SGCZ: variants seen among roughly 807,000 people sequenced by gnomAD.
The protein encoded by SGCZ is zeta-sarcoglycan.
In SGCZ, 40 loss-of-function variants were observed where a neutral mutation model predicts 41.3. That is an observed-to-expected ratio of 0.97 (90% CI 0.75 to 1.26). The LOEUF is 1.26. Ranked by LOEUF, SGCZ falls within the 50% of genes most tolerant of loss-of-function variation. SGCZ has a pLI of 0.00. For missense variants in SGCZ, 552 were observed against 369.8 expected (o/e 1.49, Z -4.04); for synonymous variants, 206 against 137.5 (o/e 1.50, Z -3.49).
At chr8:14,846,432 G>A (rs1205235564) in intron 1 of SGCZ, among the ~76,000 whole-genome samples, 1 of 151,786 alleles carries the variant, frequency 6.6e-6, no homozygotes, top group Non-Finnish European at 1.5e-5. Context: ...ATCCCAGCAA[G>A]ACTGATCAGG....
intron 3 of SGCZ, among the ~76,000 whole-genome samples, chr8:14,263,972 C>T (rs767882318): frequency 4.0e-4 from 61 of 152,216 alleles, no homozygotes; most frequent in Non-Finnish European, 1.8e-4. Flanking sequence ...ATCCCACAAC[C>T]TCTGGCTCCA....
chr8:14,161,890 C>G (rs1454708244), intron 5 of SGCZ, among the ~76,000 whole-genome samples: 1 of 152,026 alleles, frequency 6.6e-6, no homozygotes, highest in Non-Finnish European at 1.5e-5. Flanking sequence ...ACACATCACA[C>G]ACACATAGAC....
chr8:14,290,245 A>C (rs1332095196), intron 3 of SGCZ, among the ~76,000 whole-genome samples: 3 of 152,144 alleles, frequency 2.0e-5, no homozygotes, highest in Non-Finnish European at 4.4e-5. Flanking sequence ...CAAGAAGGAA[A>C]CATAGAGGGA....
intron 1 of SGCZ, among the ~76,000 whole-genome samples, chr8:15,007,488 C>A (rs1017215772): frequency 6.6e-6 from 1 of 152,224 alleles, no homozygotes; most frequent in African/African-American, 2.4e-5. Flanking sequence ...AAGCCACGGT[C>A]TATGAGCCAC....
At chr8:14,205,140 G>A (rs1347688757) in intron 4 of SGCZ, among the ~76,000 whole-genome samples, 5 of 150,132 alleles carry the variant, frequency 3.3e-5, no homozygotes, top group South Asian at 4.3e-4. Flanking sequence ...GCCTTTAATC[G>A]ACTACACACA....
At chr8:14,728,706 A>G (rs1810138469) in intron 1 of SGCZ, among the ~76,000 whole-genome samples, 1 of 152,188 alleles carries the variant, frequency 6.6e-6, no homozygotes, top group Non-Finnish European at 1.5e-5. Flanking sequence ...ATTAGATCAA[A>G]TTTAGCAATA....
chr8:15,191,825 A>G (rs1462034523), intron 1 of SGCZ, among the ~76,000 whole-genome samples: 1 of 152,090 alleles, frequency 6.6e-6, no homozygotes, highest in Admixed American at 6.5e-5. Flanking sequence ...ATTTAATTAT[A>G]CAAAATGACT....
At chr8:14,656,466 G>C (rs73200887) in intron 1 of SGCZ, among the ~76,000 whole-genome samples, 2 of 108,458 alleles carry the variant, frequency 1.8e-5, no homozygotes, top group Non-Finnish European at 1.8e-5. Flanking sequence ...TTTTCTTTTC[G>C]TTTTTTCTTC....
intron 4 of SGCZ, among the ~76,000 whole-genome samples, chr8:14,192,968 G>C (rs1417498650): frequency 6.6e-6 from 1 of 151,968 alleles, no homozygotes; most frequent in African/African-American, 2.4e-5. Flanking sequence ...TTTTAAAGTT[G>C]CCACAGTTAC....
At chr8:14,480,228 T>C (rs1801498132) in intron 2 of SGCZ, among the ~76,000 whole-genome samples, 1 of 152,228 alleles carries the variant, frequency 6.6e-6, no homozygotes, top group Non-Finnish European at 1.5e-5. Flanking sequence ...ATGAATAAAG[T>C]ACACAATGCC....
intron 5 of SGCZ, among the ~76,000 whole-genome samples, chr8:14,143,023 AC>A: frequency 6.6e-6 from 1 of 152,116 alleles, no homozygotes; most frequent in Admixed American, 6.5e-5. Context: ...GAATCAACCA[AC>A]ATAAGCCCCT....
chr8:14,610,706 A>T (rs1478822183), intron 1 of SGCZ, among the ~76,000 whole-genome samples: 1 of 152,190 alleles, frequency 6.6e-6, no homozygotes, highest in African/African-American at 2.4e-5. Flanking sequence ...ATAAAATGAA[A>T]AAAATAAGTT....
chr8:14,125,503 CAAAA>C (rs35509746), intron 5 of SGCZ, among the ~76,000 whole-genome samples: 1 of 118,454 alleles, frequency 8.4e-6, no homozygotes, highest in Non-Finnish European at 1.8e-5. Context: ...GATTCCGTCT[CAAAA>C]AAAAAAAAAA....
At chr8:14,808,414 T>C (rs945279449) in intron 1 of SGCZ, among the ~76,000 whole-genome samples, 2 of 151,986 alleles carry the variant, frequency 1.3e-5, no homozygotes, top group Non-Finnish European at 2.9e-5. Context: ...CATCAAAAAG[T>C]GGGCAAAGGA....
chr8:14,787,421 A>T (rs1389130870), intron 1 of SGCZ, among the ~76,000 whole-genome samples: 1 of 152,046 alleles, frequency 6.6e-6, no homozygotes, highest in Non-Finnish European at 1.5e-5. Flanking sequence ...TATTAGTAAT[A>T]ATATACTAAT....
At chr8:14,343,679 G>C (rs13259741) in intron 2 of SGCZ, among the ~76,000 whole-genome samples, 30,121 of 152,124 alleles carry the variant, frequency 0.2, 3,757 homozygotes, top group Non-Finnish European at 0.29. Context: ...TTGTATCTTA[G>C]AGACAGAATA....
At chr8:14,976,595 C>T (rs1801487273) in intron 1 of SGCZ, among the ~76,000 whole-genome samples, 1 of 152,164 alleles carries the variant, frequency 6.6e-6, no homozygotes, top group Admixed American at 6.5e-5. Flanking sequence ...GACAACAACA[C>T]ATAAGGTCAA....
chr8:15,107,432 C>T (rs1013720211), intron 1 of SGCZ, among the ~76,000 whole-genome samples: 11 of 152,220 alleles, frequency 7.2e-5, no homozygotes, highest in Admixed American at 5.2e-4. Context: ...AGGATTCTTC[C>T]TTCAATCATT....
At chr8:14,317,957 T>A (rs1801771396) in intron 3 of SGCZ, among the ~76,000 whole-genome samples, 1 of 151,114 alleles carries the variant, frequency 6.6e-6, no homozygotes, top group African/African-American at 2.4e-5. Context: ...AACAAAGGAA[T>A]CACTCTACCA....
Sources: allele counts gnomAD v4.1 joint callset (sites outside exome capture counted in the v4.1 genomes callset), GRCh38; gene constraint gnomAD v4.1.1; transcripts MANE v1.5; gene names NCBI Gene and HGNC (gene_info 2026-07-23, HGNC 2026-07-21).